GNA14: variants seen among roughly 807,000 people sequenced by gnomAD.
GNA14 encodes G protein subunit alpha 14, also known as guanine nucleotide-binding protein subunit alpha-14.
GNA14 carries 50 observed loss-of-function variants against 42.0 expected under a neutral mutation model. That is an observed-to-expected ratio of 1.19 (90% CI 0.95 to 1.51). The LOEUF (loss-of-function observed/expected upper bound fraction) is 1.51. GNA14 is among the 40% of genes most tolerant of loss of function. The probability of loss-of-function intolerance (pLI) is 0.00; values close to 1 mark genes in which losing one functional copy is unlikely to be tolerated. For synonymous variants in GNA14, 173 were observed against 163.1 expected (o/e 1.06, Z -0.46); for missense variants, 473 against 446.2 (o/e 1.06, Z -0.54).
intron 1 of GNA14, among the ~76,000 whole-genome samples, chr9:77,586,655 G>A (rs1294486954): frequency 6.6e-6 from 1 of 152,246 alleles, no homozygotes; most frequent in East Asian, 1.9e-4. Context: ...AAAGTGCACA[G>A]ATGAGCTTGA....
intron 2 of GNA14, among the ~76,000 whole-genome samples, chr9:77,475,610 C>T (rs1836405597): frequency 1.3e-5 from 2 of 152,138 alleles, no homozygotes; most frequent in South Asian, 4.2e-4. Flanking sequence ...TGGACCCTTC[C>T]TTCCCTCCTT....
intron 2 of GNA14, among the ~76,000 whole-genome samples, chr9:77,472,517 T>C (rs960707643): frequency 3.3e-5 from 5 of 152,168 alleles, no homozygotes; most frequent in African/African-American, 4.8e-5. Context: ...GTCCAGCATA[T>C]AGAAAATCCT....
intron 2 of GNA14, among the ~76,000 whole-genome samples, chr9:77,503,174 A>C (rs774091296): frequency 8.6e-5 from 13 of 151,918 alleles, no homozygotes; most frequent in Non-Finnish European, 1.3e-4. Context: ...AAGTATGCCT[A>C]CTCTATGTTT....
intron 1 of GNA14, among the ~76,000 whole-genome samples, chr9:77,539,703 T>C (rs1837636687): frequency 6.6e-6 from 1 of 152,180 alleles, no homozygotes; most frequent in Non-Finnish European, 1.5e-5. Context: ...TTGATTGGTT[T>C]AGGTTTTCTA....
chr9:77,454,514 T>C (rs537176360), intron 2 of GNA14, among the ~76,000 whole-genome samples: 1 of 151,922 alleles, frequency 6.6e-6, no homozygotes, highest in African/African-American at 2.4e-5. Flanking sequence ...TATCTGATAA[T>C]AGTGGGGACG....
intron 3 of GNA14, among the ~76,000 whole-genome samples, chr9:77,433,142 C>T (rs1012012895): frequency 2.6e-5 from 4 of 152,170 alleles, no homozygotes; most frequent in Admixed American, 2.6e-4. Flanking sequence ...CTTTCCTGCC[C>T]AATGCCTTGT....
intron 2 of GNA14, among the ~76,000 whole-genome samples, chr9:77,510,181 T>C (rs1209094106): frequency 3.3e-5 from 5 of 152,192 alleles, no homozygotes; most frequent in Admixed American, 2.6e-4. Context: ...TCTATTGATT[T>C]GCCTGTTCTG....
intron 1 of GNA14, among the ~76,000 whole-genome samples, chr9:77,550,021 T>C (rs1313922357): frequency 6.6e-6 from 1 of 152,036 alleles, no homozygotes; most frequent in Non-Finnish European, 1.5e-5. Flanking sequence ...GGGACAGATG[T>C]TTGCAAGGGG....
intron 2 of GNA14, among the ~76,000 whole-genome samples, chr9:77,491,104 C>T (rs1836766496): frequency 6.6e-6 from 1 of 152,188 alleles, no homozygotes; most frequent in South Asian, 2.1e-4. Context: ...CTCTGCCATC[C>T]AAGAATACTG....
At chr9:77,605,088 C>G (rs1436491946) in intron 1 of GNA14, among the ~76,000 whole-genome samples, 1 of 152,158 alleles carries the variant, frequency 6.6e-6, no homozygotes, top group East Asian at 1.9e-4. Flanking sequence ...GGTATTTAAC[C>G]CTCTAAAAAG....
At chr9:77,430,176 C>G (rs1835521570) in intron 4 of GNA14, among the ~76,000 whole-genome samples, 1 of 152,148 alleles carries the variant, frequency 6.6e-6, no homozygotes, top group Non-Finnish European at 1.5e-5. Context: ...CTTGAAGAAG[C>G]CATTCTATAA....
chr9:77,579,922 A>G (rs1823190356), intron 1 of GNA14, among the ~76,000 whole-genome samples: 1 of 152,190 alleles, frequency 6.6e-6, no homozygotes, highest in African/African-American at 2.4e-5. Flanking sequence ...ACTTGAATCT[A>G]GTCATTTATT....
At chr9:77,470,294 AC>A (rs1245159753) in intron 2 of GNA14, among the ~76,000 whole-genome samples, 1 of 152,160 alleles carries the variant, frequency 6.6e-6, no homozygotes, top group African/African-American at 2.4e-5. Flanking sequence ...GAAAAGCAGC[AC>A]CCATCAGGTG....
At chr9:77,580,844 C>A (rs1823212195) in intron 1 of GNA14, among the ~76,000 whole-genome samples, 1 of 152,130 alleles carries the variant, frequency 6.6e-6, no homozygotes, top group South Asian at 2.1e-4. Flanking sequence ...CAGTGCATGC[C>A]TCAGTAATAC....
At chr9:77,610,533 T>C (rs1458274602) in intron 1 of GNA14, among the ~76,000 whole-genome samples, 1 of 152,146 alleles carries the variant, frequency 6.6e-6, no homozygotes, top group Admixed American at 6.5e-5. Flanking sequence ...ATCTAACCTA[T>C]TTACCTCCTA....
intron 1 of GNA14, among the ~76,000 whole-genome samples, chr9:77,624,425 A>G (rs1236868491): frequency 1.3e-5 from 2 of 152,174 alleles, no homozygotes; most frequent in South Asian, 2.1e-4. Context: ...CTCTGCTAAG[A>G]GACAGACTGC....
At chr9:77,426,366 G>A (rs539362170) in intron 5 of GNA14, among the ~76,000 whole-genome samples, 7 of 151,912 alleles carry the variant, frequency 4.6e-5, no homozygotes, top group Middle Eastern at 6.8e-3. Context: ...GTACAGTGGC[G>A]CGATCTCGGC....
At chr9:77,583,073 T>A (rs369043561) in intron 1 of GNA14, among the ~76,000 whole-genome samples, 1 of 152,218 alleles carries the variant, frequency 6.6e-6, no homozygotes, top group South Asian at 2.1e-4. Flanking sequence ...GCTCAGACAC[T>A]TCCCAGCAGC....
intron 1 of GNA14, among the ~76,000 whole-genome samples, chr9:77,611,129 G>A (rs141589693): frequency 3.3e-5 from 5 of 152,314 alleles, no homozygotes; most frequent in Middle Eastern, 3.4e-3. Context: ...AAGGCAGCTA[G>A]AAGACTGGTA....
Sources: allele counts gnomAD v4.1 joint callset (sites outside exome capture counted in the v4.1 genomes callset), GRCh38; gene constraint gnomAD v4.1.1; transcripts MANE v1.5; gene names NCBI Gene and HGNC (gene_info 2026-07-23, HGNC 2026-07-21).